SSBP3: variants seen among roughly 807,000 people sequenced by gnomAD.
SSBP3 encodes single stranded DNA binding protein 3, also known as single-stranded DNA-binding protein 3.
Under a neutral mutation model 69.6 loss-of-function variants are expected in SSBP3, and 5 were observed. That is an observed-to-expected ratio of 0.07 (90% confidence interval 0.04 to 0.15). The LOEUF is 0.15. SSBP3 is among the 10% of genes least tolerant of loss of function. The probability of loss-of-function intolerance (pLI) is 1.00; values close to 1 mark genes in which losing one functional copy is unlikely to be tolerated. For synonymous variants in SSBP3, 196 were observed against 193.4 expected, an observed-to-expected ratio of 1.01 and a Z score of -0.11; for missense variants, 312 against 534.0, an observed-to-expected ratio of 0.58 and a Z score of 4.10.
At chr1:54,244,392 G>A (rs943682764) in intron 9 of SSBP3, among the ~76,000 whole-genome samples, 3 of 152,094 alleles carry the variant, frequency 2.0e-5, no homozygotes, top group East Asian at 2.0e-4. Context: ...GTGAGCCACC[G>A]CACCCAGCCT....
chr1:54,299,190 C>A (rs1375486371), intron 4 of SSBP3, among the ~76,000 whole-genome samples: 1 of 151,954 alleles, frequency 6.6e-6, no homozygotes, highest in Non-Finnish European at 1.5e-5. Context: ...TAAGGGGGCA[C>A]GCCTAGCCAA....
intron 4 of SSBP3, among the ~76,000 whole-genome samples, chr1:54,324,411 C>T (rs541480281): frequency 7.9e-5 from 12 of 152,272 alleles, no homozygotes; most frequent in Admixed American, 2.0e-4. Context: ...CTCTTCCTGA[C>T]GACAGTCCCC....
chr1:54,298,800 G>A (rs1339755808), intron 4 of SSBP3, among the ~76,000 whole-genome samples: 1 of 152,102 alleles, frequency 6.6e-6, no homozygotes, highest in Non-Finnish European at 1.5e-5. Flanking sequence ...CATGGTCAGC[G>A]TGTGCAAACA....
chr1:54,391,499 G>A (rs926794079), intron 4 of SSBP3, among the ~76,000 whole-genome samples: 2 of 152,188 alleles, frequency 1.3e-5, no homozygotes, highest in Non-Finnish European at 1.5e-5. Flanking sequence ...AGCTCAAAGC[G>A]CTGCAGCAGT....
Position 54,289,042 on chromosome 1 carries a change from A to C in SSBP3, c.277-7515T>G, listed in dbSNP as rs1282131725. On this transcript the variant is annotated intron_variant, in intron 4 of 17. Transcript: ENST00000610401. ...CTCCAAAAAAAAAAAAAAAACAAAA[A>C]AACAAAAAAAAAAAACAGTAATGTC... is the stretch of plus-strand genomic sequence containing the variant. Among the ~76,000 whole-genome samples the C allele has an allele frequency of 2.2e-4, 12 of 54,758 alleles. 2 individuals are homozygous for C. The highest frequency in any genetic ancestry group is 1.4e-3 in the African/African-American group (11 of 7,882). The allele number at this position is 54,758 out of a possible 152,430, so 35.9% of individuals were successfully genotyped here. A position where few individuals can be genotyped will look rare whatever the true frequency, so the allele number is the denominator to read the frequency against.
At chr1:54,231,230 G>A (rs776856838) in intron 14 of SSBP3, among the ~76,000 whole-genome samples, 9 of 152,168 alleles carry the variant, frequency 5.9e-5, no homozygotes, top group African/African-American at 1.4e-4. Flanking sequence ...TACTACAGCC[G>A]TCCTAGTGGG....
chr1:54,391,999 G>C (rs1008480562), intron 4 of SSBP3, among the ~76,000 whole-genome samples: 2 of 151,356 alleles, frequency 1.3e-5, no homozygotes, highest in African/African-American at 4.9e-5. Context: ...CTATTAAGAA[G>C]AGTGTCCCTG....
At chr1:54,308,741 C>T (rs1044583804) in intron 4 of SSBP3, among the ~76,000 whole-genome samples, 3 of 151,946 alleles carry the variant, frequency 2.0e-5, no homozygotes, top group Non-Finnish European at 4.4e-5. Flanking sequence ...GCACTTCAGC[C>T]TGGGTGACAG....
intron 4 of SSBP3, among the ~76,000 whole-genome samples, chr1:54,345,348 G>A (rs1276021769): frequency 6.6e-6 from 1 of 152,086 alleles, no homozygotes; most frequent in Non-Finnish European, 1.5e-5. Context: ...AGGCAGCCTG[G>A]AAGAGAGGAC....
chr1:54,359,187 T>A (rs1299701871), intron 4 of SSBP3, among the ~76,000 whole-genome samples: 2 of 146,100 alleles, frequency 1.4e-5, no homozygotes, highest in Non-Finnish European at 3.0e-5. Context: ...CATATATGAG[T>A]TGCTATAATT....
At chr1:54,261,871 G>A (rs1253721448) in intron 5 of SSBP3, among the ~76,000 whole-genome samples, 3 of 151,994 alleles carry the variant, frequency 2.0e-5, no homozygotes, top group Non-Finnish European at 4.4e-5. Context: ...ATCTGCCCAG[G>A]GGTCACCTGT....
chr1:54,328,235 C>G lies in SSBP3; in HGVS notation c.277-46708G>C, dbSNP rs1395925184. Among the ~76,000 whole-genome samples, 6 of 152,152 alleles carry G rather than the reference C, an allele frequency of 3.9e-5. No homozygotes were observed. In the East Asian group the frequency reaches 1.2e-3, roughly 29 times the overall value. ...GAGTCAGAGGCAAGGACCACATCGT[C>G]CAGTGTGTTCACAACAAGGAACACA... On this transcript the variant is annotated intron_variant, in intron 4 of 17. Coordinates refer to ENST00000610401, the Ensembl canonical transcript of SSBP3.
At chr1:54,411,157 T>G (rs1380157300), upstream of SSBP3, among the ~76,000 whole-genome samples, 4 of 152,200 alleles carry the variant, frequency 2.6e-5, no homozygotes, top group African/African-American at 9.6e-5. Context: ...TTTGTTTTGT[T>G]TTTTTCCTAC....
In SSBP3 at chr1:54,227,303, G is replaced by A; in HGVS notation, c.1138-143C>T. On this transcript the variant is annotated intron_variant, in intron 17 of 17. Coordinates refer to ENST00000610401, the Ensembl canonical transcript of SSBP3. ...GTGGTTGAGCTGAGGGGCACATGGTGGCATGGAGTGGGCAGGGGGCCGGTA... is the reference window on the plus strand; with the variant it reads ...GTGGTTGAGCTGAGGGGCACATGGTAGCATGGAGTGGGCAGGGGGCCGGTA... The A allele has an allele frequency of 7.3e-6, 5 of 683,166 alleles. No individual in the cohort carries two copies. The South Asian group carries it at 8.5e-5, about 12-fold the overall frequency. 42.3% of individuals were successfully genotyped at this position (683,166 alleles called of 1,614,324 possible).
intron 4 of SSBP3, among the ~76,000 whole-genome samples, chr1:54,400,041 T>C (rs942166581): frequency 1.3e-5 from 2 of 152,190 alleles, no homozygotes; most frequent in Non-Finnish European, 1.5e-5. Context: ...ATCTTCTAAA[T>C]GTCAACGCCA....
intron 9 of SSBP3, 135 bp downstream of exon 9, chr1:54,251,481 G>A (rs1263570835): frequency 1.2e-5 from 12 of 978,164 alleles, no homozygotes; most frequent in Admixed American, 4.9e-5. Context: ...GACAGGAGCA[G>A]GGGATGCGGC....
At chr1:54,225,566 C>A in exon 18 of SSBP3, 1 of 547,510 alleles carries the variant, frequency 1.8e-6, no homozygotes, top group Non-Finnish European at 2.7e-6. Context: ...ACAGAAACAG[C>A]TACAATGTTC....
chr1:54,300,481 T>C (rs930309375), intron 4 of SSBP3, among the ~76,000 whole-genome samples: 1 of 152,140 alleles, frequency 6.6e-6, no homozygotes, highest in African/African-American at 2.4e-5. Context: ...CGGTCAACAT[T>C]TGCTGTTGCA....
chr1:54,370,190 G>A (rs1232876227), intron 4 of SSBP3, among the ~76,000 whole-genome samples: 5 of 152,172 alleles, frequency 3.3e-5, no homozygotes, highest in Non-Finnish European at 7.4e-5. Flanking sequence ...CTGGTGGCTG[G>A]CTGTCAAGCA....
Sources: allele counts gnomAD v4.1 joint callset (sites outside exome capture counted in the v4.1 genomes callset), GRCh38; gene constraint gnomAD v4.1.1; transcripts MANE v1.5; gene names NCBI Gene and HGNC (gene_info 2026-07-23, HGNC 2026-07-21).